The following CTNNA3 variants were observed in gnomAD, a reference collection of about 807,000 sequenced individuals.
The protein encoded by CTNNA3 is catenin alpha-3.
Under a neutral mutation model 95.7 loss-of-function variants are expected in CTNNA3, and 76 were observed. The ratio of observed to expected loss-of-function variants is 0.79; its 90% confidence interval spans 0.66 to 0.96. The LOEUF (loss-of-function observed/expected upper bound fraction) is 0.96. CTNNA3 is among the 40% of genes least tolerant of loss of function. The probability of loss-of-function intolerance (pLI) is 0.00; values close to 1 mark genes in which losing one functional copy is unlikely to be tolerated. For missense variants in CTNNA3, 1,191 were observed against 1,089.8 expected (o/e 1.09, Z -1.31); for synonymous variants, 431 against 374.4 (o/e 1.15, Z -1.74).
intron 14 of CTNNA3, among the ~76,000 whole-genome samples, chr10:66,091,586 A>G (rs2081214110): frequency 6.6e-6 from 1 of 151,962 alleles, no homozygotes; most frequent in South Asian, 2.1e-4. Context: ...TCTAATAGGG[A>G]GACTAAACAA....
intron 7 of CTNNA3, among the ~76,000 whole-genome samples, chr10:67,095,154 A>C (rs921138167): frequency 6.6e-6 from 1 of 151,576 alleles, no homozygotes; most frequent in Non-Finnish European, 1.5e-5. Context: ...GGAAAAATCT[A>C]CTGTGATGCT....
chr10:67,570,391 T>A (rs1841940941), intron 3 of CTNNA3, among the ~76,000 whole-genome samples: 2 of 152,106 alleles, frequency 1.3e-5, no homozygotes, highest in South Asian at 2.1e-4. Flanking sequence ...CTTTTAGTTC[T>A]CATGTAAAGT....
At chr10:66,447,709 A>G (rs989698534) in intron 11 of CTNNA3, among the ~76,000 whole-genome samples, 3 of 152,284 alleles carry the variant, frequency 2.0e-5, no homozygotes, top group African/African-American at 7.2e-5. Flanking sequence ...GTTAGACCTA[A>G]AACCATAAAA....
chr10:67,754,324 G>C (rs1841422413), intron 1 of CTNNA3, among the ~76,000 whole-genome samples: 1 of 152,110 alleles, frequency 6.6e-6, no homozygotes, highest in Non-Finnish European at 1.5e-5. Context: ...TTGGGAGGGA[G>C]AGCATCAGGA....
At chr10:66,328,589 T>C (rs769832849) in intron 12 of CTNNA3, among the ~76,000 whole-genome samples, 10 of 151,872 alleles carry the variant, frequency 6.6e-5, no homozygotes, top group Admixed American at 5.9e-4. Context: ...TTTCCTGAAA[T>C]CTCACGGTCC....
chr10:67,018,634 G>A (rs1852804845), intron 7 of CTNNA3, among the ~76,000 whole-genome samples: 1 of 152,192 alleles, frequency 6.6e-6, no homozygotes, highest in African/African-American at 2.4e-5. Context: ...GCCTGGGTGT[G>A]AATCCTGATC....
At chr10:66,996,155 T>C (rs1331916772) in intron 7 of CTNNA3, among the ~76,000 whole-genome samples, 1 of 152,166 alleles carries the variant, frequency 6.6e-6, no homozygotes, top group Admixed American at 6.5e-5. Flanking sequence ...CACAAGTAGG[T>C]CTCAAAGCTC....
chr10:66,073,677 C>T (rs138964438), intron 14 of CTNNA3, among the ~76,000 whole-genome samples: 1 of 152,134 alleles, frequency 6.6e-6, no homozygotes. Context: ...TATTACCATT[C>T]CTGCTGTCTT....
intron 9 of CTNNA3, among the ~76,000 whole-genome samples, chr10:66,720,314 G>T (rs530728122): frequency 6.6e-6 from 1 of 151,948 alleles, no homozygotes; most frequent in Non-Finnish European, 1.5e-5. Context: ...CACTCTATTT[G>T]GTTGACTCCC....
intron 6 of CTNNA3, among the ~76,000 whole-genome samples, chr10:67,195,960 A>AGCTACAAT (rs1863349317): frequency 6.7e-6 from 1 of 150,052 alleles, no homozygotes; most frequent in Non-Finnish European, 1.5e-5. Context: ...AATGAGATGC[A>AGCTACAAT]GCTACAATTA....
intron 13 of CTNNA3, among the ~76,000 whole-genome samples, chr10:66,169,610 T>C (rs1203922008): frequency 1.3e-5 from 2 of 152,196 alleles, no homozygotes; most frequent in Non-Finnish European, 2.9e-5. Context: ...CTGTTTTCCA[T>C]AGTGGTTGTA....
chr10:67,342,838 T>C (rs913384105), intron 5 of CTNNA3, among the ~76,000 whole-genome samples: 11 of 152,218 alleles, frequency 7.2e-5, no homozygotes, highest in African/African-American at 2.4e-5. Flanking sequence ...TATTGGTTAC[T>C]ATAGCTCTGT....
intron 3 of CTNNA3, among the ~76,000 whole-genome samples, chr10:67,583,162 C>A (rs907725379): frequency 6.6e-6 from 1 of 151,786 alleles, no homozygotes; most frequent in African/African-American, 2.4e-5. Context: ...CATCGATGGT[C>A]TTTACAATTG....
At chr10:66,716,179 A>G (rs962628991) in intron 9 of CTNNA3, among the ~76,000 whole-genome samples, 3 of 152,206 alleles carry the variant, frequency 2.0e-5, no homozygotes, top group East Asian at 3.9e-4. Context: ...TAATAATCCA[A>G]AATATACTTA....
intron 7 of CTNNA3, among the ~76,000 whole-genome samples, chr10:67,141,087 G>A (rs903832567): frequency 1.3e-5 from 2 of 152,196 alleles, no homozygotes; most frequent in Non-Finnish European, 2.9e-5. Context: ...TCAATGTAGA[G>A]GCATGCTCCC....
At chr10:67,755,912 G>A (rs1015155811) in intron 1 of CTNNA3, among the ~76,000 whole-genome samples, 4 of 151,890 alleles carry the variant, frequency 2.6e-5, no homozygotes, top group African/African-American at 9.7e-5. Context: ...GCCAAAATAT[G>A]GAATTGATCT....
chr10:66,195,702 T>C (rs942978333), intron 13 of CTNNA3, among the ~76,000 whole-genome samples: 3 of 151,630 alleles, frequency 2.0e-5, no homozygotes, highest in African/African-American at 7.3e-5. Flanking sequence ...TAAGTCTCTA[T>C]GCTGCTTAAG....
chr10:67,166,492 C>T (rs768857599), intron 7 of CTNNA3, among the ~76,000 whole-genome samples: 1 of 152,080 alleles, frequency 6.6e-6, no homozygotes, highest in Non-Finnish European at 1.5e-5. Context: ...ACTTAAAGAA[C>T]ATGAAAGATT....
intron 7 of CTNNA3, among the ~76,000 whole-genome samples, chr10:66,836,935 C>T (rs1372392876): frequency 1.3e-5 from 2 of 152,118 alleles, no homozygotes; most frequent in African/African-American, 4.8e-5. Flanking sequence ...ACTGGCCAAT[C>T]ATCCAGTCTT....
Sources: gnomAD v4.1 joint callset for allele counts (sites outside exome capture counted in the v4.1 genomes callset) on GRCh38, gnomAD v4.1.1 for gene constraint, MANE v1.5 for transcripts, NCBI Gene and HGNC (gene_info 2026-07-23, HGNC 2026-07-21) for gene names.